ARID4B: variants seen among roughly 807,000 people sequenced by gnomAD.
ARID4B encodes AT-rich interaction domain 4B.
ARID4B carries 26 observed loss-of-function variants against 147.5 expected under a neutral mutation model. The observed-to-expected ratio is 0.18, with a 90% CI of 0.13 to 0.24. The LOEUF (loss-of-function observed/expected upper bound fraction) is 0.24. ARID4B is among the 10% of genes least tolerant of loss of function. The pLI is 1.00. For synonymous variants in ARID4B, 512 were observed against 507.9 expected, an observed-to-expected ratio of 1.01 and a Z score of -0.11; for missense variants, 1,179 against 1,511.5, an observed-to-expected ratio of 0.78 and a Z score of 3.65.
intron 17 of ARID4B, among the ~76,000 whole-genome samples, chr1:235,196,328 C>T (rs765239610): frequency 6.6e-6 from 1 of 152,064 alleles, no homozygotes; most frequent in Non-Finnish European, 1.5e-5. Flanking sequence ...AGCTACTGGC[C>T]GAGCCAAGAC....
rs1669940337 is a variant in ARID4B, at chr1:235,255,712, T to C, written c.222A>G (p.Ala74=). The C allele has an allele frequency of 3.1e-6, 5 of 1,612,316 alleles. No homozygotes were observed. The highest frequency in any genetic ancestry group is 2.7e-5 in the African/African-American group (2 of 74,842). The change falls in exon 5 of 24, where the codon GCA becomes GCG. Residue 74 remains alanine (A), a synonymous_variant. Coordinates refer to ENST00000264183, the MANE Select transcript of ARID4B (RefSeq NM_016374.6). ...GTTTATTGATAACAGCTTCCTGATA[T>C]GCACCATCAAGATTCTTCACTTCCA... ...AIVEVKNLDG[A]YQEAVINKLT...
intron 17 of ARID4B, among the ~76,000 whole-genome samples, chr1:235,207,689 G>A (rs1363140044): frequency 6.6e-6 from 1 of 151,922 alleles, no homozygotes; most frequent in African/African-American, 2.4e-5. Context: ...GCACATAGTG[G>A]GTATTCAACT....
chr1:235,290,304 A>G (rs1672254275), intron 2 of ARID4B, among the ~76,000 whole-genome samples: 1 of 151,656 alleles, frequency 6.6e-6, no homozygotes, highest in South Asian at 2.1e-4. Context: ...TTAGCGGGGC[A>G]TGGTGGTGCA....
intron 23 of ARID4B, 80 bp from the exon 24 acceptor site, chr1:235,168,732 C>T (rs1464925396): frequency 3.4e-6 from 5 of 1,451,390 alleles, no homozygotes; most frequent in Non-Finnish European, 4.7e-6. Context: ...GTCCTCTGAA[C>T]TAAAATTCCG....
At chr1:235,206,569 G>C (rs185128912) in intron 17 of ARID4B, among the ~76,000 whole-genome samples, 2 of 152,256 alleles carry the variant, frequency 1.3e-5, no homozygotes, top group Admixed American at 6.5e-5. Context: ...TTGAGGAGTG[G>C]TTTCTTAATT....
intron 2 of ARID4B, among the ~76,000 whole-genome samples, chr1:235,316,775 C>T (rs1265276326): frequency 6.6e-6 from 1 of 152,020 alleles, no homozygotes; most frequent in African/African-American, 2.4e-5. Context: ...GCTGAGATCG[C>T]ACCACTGCAC....
At chr1:235,210,045 T>C (rs1177333951) in intron 17 of ARID4B, among the ~76,000 whole-genome samples, 2 of 151,912 alleles carry the variant, frequency 1.3e-5, no homozygotes, top group Non-Finnish European at 2.9e-5. Context: ...TTGGGCAACA[T>C]AGTGAGACCC....
chr1:235,318,786 C>T (rs1234677505), intron 2 of ARID4B, among the ~76,000 whole-genome samples: 1 of 151,816 alleles, frequency 6.6e-6, no homozygotes, highest in Non-Finnish European at 1.5e-5. Flanking sequence ...GAGCTGGAGG[C>T]AGGAAGATCG....
At chr1:235,268,031 A>G (rs1670731350) in intron 2 of ARID4B, among the ~76,000 whole-genome samples, 1 of 152,166 alleles carries the variant, frequency 6.6e-6, no homozygotes, top group Admixed American at 6.5e-5. Flanking sequence ...AGGGTTGAAT[A>G]GGCACAAGGA....
At chr1:235,183,050 TA>T (rs1169974130) in intron 19 of ARID4B, among the ~76,000 whole-genome samples, 1 of 151,838 alleles carries the variant, frequency 6.6e-6, no homozygotes, top group Non-Finnish European at 1.5e-5. Flanking sequence ...ATTTTAAACA[TA>T]AAAGTCATCA....
chr1:235,214,126 C>A, intron 16 of ARID4B, 100 bp from the exon 17 acceptor site: 2 of 1,425,810 alleles, frequency 1.4e-6, no homozygotes, highest in Non-Finnish European at 1.9e-6. Flanking sequence ...TGTGATTGTT[C>A]CAGGAAAAGC....
intron 2 of ARID4B, among the ~76,000 whole-genome samples, chr1:235,320,028 G>A (rs1674711663): frequency 6.6e-6 from 1 of 152,082 alleles, no homozygotes; most frequent in Non-Finnish European, 1.5e-5. Flanking sequence ...TTGGGAGGCT[G>A]AGGCAGGAGA....
chr1:235,263,854 C>A (rs771883232), intron 2 of ARID4B, among the ~76,000 whole-genome samples: 1 of 151,700 alleles, frequency 6.6e-6, no homozygotes, highest in South Asian at 2.1e-4. Context: ...AATAGCTGGG[C>A]GTGGTGGCGC....
intron 2 of ARID4B, among the ~76,000 whole-genome samples, chr1:235,283,859 C>T (rs143080515): frequency 0.018 from 2,791 of 152,114 alleles, 69 homozygotes; most frequent in African/African-American, 0.053. Context: ...CTCAGCCTCC[C>T]GAGTAGCTGG....
intron 18 of ARID4B, among the ~76,000 whole-genome samples, 172 bp from the exon 19 acceptor site, chr1:235,194,383 A>T (rs10802441): frequency 0.28 from 43,316 of 152,144 alleles, 7,458 homozygotes; most frequent in South Asian, 0.53. Flanking sequence ...TACTTAACAA[A>T]ATACTACACA....
chr1:235,304,433 A>G (rs955874491), intron 2 of ARID4B, among the ~76,000 whole-genome samples: 4 of 152,250 alleles, frequency 2.6e-5, no homozygotes, highest in Admixed American at 2.0e-4. Flanking sequence ...GTGTGATTTA[A>G]AAGTGCAATT....
intron 2 of ARID4B, among the ~76,000 whole-genome samples, chr1:235,304,666 A>G (rs1673420266): frequency 6.6e-6 from 1 of 152,218 alleles, no homozygotes; most frequent in Admixed American, 6.5e-5. Context: ...GAATTCTAAA[A>G]CAAACATCTG....
rs189231012 is a variant in ARID4B, at chr1:235,216,054, C to T, written c.1584-2028G>A. 2.0e-4 allele frequency among the ~76,000 whole-genome samples: 30 copies of T among 152,008 alleles called. No individual in the cohort carries two copies. The East Asian group carries it at 5.4e-3, about 27-fold the overall frequency. On this transcript the variant is annotated intron_variant, in intron 16 of 23. Transcript: ENST00000264183. ...TAGTGATATAAGCAGCACTATAATG[C>T]TTTTTTATTCTCCTTGTCCTTTTGT...
chr1:235,241,104 C>A (rs1261717691), intron 7 of ARID4B, among the ~76,000 whole-genome samples: 10 of 152,118 alleles, frequency 6.6e-5, no homozygotes, highest in African/African-American at 2.2e-4. Flanking sequence ...AAGGAAGTAT[C>A]TGAAACCATC....
Sources: gnomAD v4.1 joint callset for allele counts (sites outside exome capture counted in the v4.1 genomes callset) on GRCh38, gnomAD v4.1.1 for gene constraint, MANE v1.5 for transcripts, NCBI Gene and HGNC (gene_info 2026-07-23, HGNC 2026-07-21) for gene names.